TPRA1: variants seen among roughly 807,000 people sequenced by gnomAD.
TPRA1 encodes the protein transmembrane protein adipocyte-associated 1.
TPRA1 carries 28 observed loss-of-function variants against 40.1 expected under a neutral mutation model. That is an observed-to-expected ratio of 0.70 (90% CI 0.52 to 0.96). The LOEUF is 0.96. Ranked by LOEUF, TPRA1 falls within the 40% of genes least tolerant of loss-of-function variation. The probability of loss-of-function intolerance (pLI) is 0.00; values close to 1 mark genes in which losing one functional copy is unlikely to be tolerated. For missense variants in TPRA1, 441 were observed against 482.6 expected (o/e 0.91, Z 0.81); for synonymous variants, 219 against 209.7 (o/e 1.04, Z -0.38).
upstream of TPRA1, chr3:127,590,821 GA>G (rs34198260): frequency 0.12 from 17,831 of 145,620 alleles, 1,144 homozygotes; most frequent in Middle Eastern, 0.19. Context: ...ATCACTGGGG[GA>G]AAAAAAAAAA....
chr3:127,588,972 G>A (rs2074083754), intron 1 of TPRA1, among the ~76,000 whole-genome samples: 1 of 152,246 alleles, frequency 6.6e-6, no homozygotes, highest in South Asian at 2.1e-4. Context: ...CACGATAGGG[G>A]CCTAAGGGTG....
rs542073464 is a variant in TPRA1, at chr3:127,572,126, C to T, written c.*1395G>A. Among the ~76,000 whole-genome samples the T allele has an allele frequency of 2.0e-5, 3 of 152,344 alleles. No individual in the cohort carries two copies. Among genetic ancestry groups the T allele is most frequent in the East Asian group, 3.9e-4 (2 of 5,180 alleles). On this transcript the variant is annotated 3_prime_UTR_variant, in exon 11 of 11. Transcript: ENST00000355552. ...CCAGCTCACTGGCCGTACTGTTGGC[C>T]CTGTCCGCTATCAACCCTCCAGGCC...
upstream of TPRA1, among the ~76,000 whole-genome samples, chr3:127,593,711 T>C (rs1186167644): frequency 6.6e-6 from 1 of 152,126 alleles, no homozygotes; most frequent in Non-Finnish European, 1.5e-5. Flanking sequence ...TCTGACCTTA[T>C]AAAAATAAAC....
At chr3:127,592,477 C>T (rs961795881), upstream of TPRA1, among the ~76,000 whole-genome samples, 7 of 150,000 alleles carry the variant, frequency 4.7e-5, no homozygotes, top group African/African-American at 1.7e-4. Flanking sequence ...GCTCCGCTTC[C>T]CGGGTTCACG....
chr3:127,573,682 C>T lies in TPRA1; in HGVS notation c.961G>A (p.Glu321Lys). Residue 321 changes from glutamate to lysine, a missense_variant, in exon 11 of 11, where the codon GAG (glutamate) becomes AAG (lysine). Transcript: ENST00000355552. ...PYAVARREGLEAAGAAGASAA... is the reference protein window; with the variant it reads ...PYAVARREGLKAAGAAGASAA... ...GAGGCCCCAGCAGCCCCTGCAGCCT[C>T]CAGGCCCTCCCGCCGGGCCACAGCG... 6.2e-7 allele frequency: 1 copy of T among 1,613,564 alleles called. No homozygotes were observed. Among genetic ancestry groups the T allele is most frequent in the African/African-American group, 1.3e-5 (1 of 75,060 alleles).
rs761117855 is a variant in TPRA1 at position 127,573,801 on chromosome 3, A to C, written c.855-13T>G. The C allele has an allele frequency of 6.5e-7, 1 of 1,543,348 alleles. No individual in the cohort carries two copies. The highest frequency in any genetic ancestry group is 8.8e-7 in the Non-Finnish European group (1 of 1,140,712). ...CTTGGGCTCCGAGCTGATAAAAGGA[A>C]AAGAGGGGCATGGAAGCCTCACTGA... On this transcript the variant is annotated splice_polypyrimidine_tract_variant and intron_variant, in intron 10 of 10. Transcript: ENST00000355552.
In TPRA1 at chr3:127,572,925, C is replaced by G. The variant is rs2073419644; in HGVS notation, c.*596G>C. 6.6e-6 allele frequency: 1 copy of G among 152,286 alleles called. No individual in the cohort carries two copies. 9.4% of individuals were successfully genotyped at this position (152,286 alleles called of 1,614,324 possible). On this transcript the variant is annotated 3_prime_UTR_variant, in exon 11 of 11. Coordinates refer to ENST00000355552, the MANE Select transcript of TPRA1 (RefSeq NM_001136053.4). ...TGGGATCCTGTTTCTCTTCACCTCC[C>G]CAGCAGCCAGCCCAGGGCTTGGGCA...
chr3:127,583,772 G>A (rs981803326), intron 1 of TPRA1, among the ~76,000 whole-genome samples: 3 of 151,870 alleles, frequency 2.0e-5, no homozygotes, highest in Non-Finnish European at 4.4e-5. Flanking sequence ...CCAGGTTCAA[G>A]CGATTCCCCT....
Position 127,574,398 on chromosome 3 carries a change from C to T in TPRA1, c.855-610G>A, listed in dbSNP as rs146782551. Among the ~76,000 whole-genome samples the T allele has an allele frequency of 2.6e-5, 4 of 152,342 alleles. No homozygotes were observed. In the East Asian group the frequency reaches 5.8e-4, roughly 22 times the overall value. ...AAGGGGGGACAAAACACCCACATTC[C>T]GACCACATTAAGGTCTGGAGTGGGA... On this transcript the variant is annotated intron_variant, in intron 10 of 10. Coordinates refer to ENST00000355552, the MANE Select transcript of TPRA1 (RefSeq NM_001136053.4).
upstream of TPRA1, among the ~76,000 whole-genome samples, chr3:127,594,448 A>G: frequency 6.6e-6 from 1 of 152,186 alleles, no homozygotes; most frequent in East Asian, 1.9e-4. Flanking sequence ...AGGGTTCTGG[A>G]GCAAGACCAG....
In TPRA1 at chr3:127,580,168, G is replaced by A. The variant is rs112458291; in HGVS notation, c.-17-5C>T. 4.6e-3 allele frequency: 7,453 copies of A among 1,608,540 alleles called. 166 individuals carry two copies. In the African/African-American group the frequency reaches 0.057, roughly 12 times the overall value. On this transcript the variant is annotated splice_region_variant and splice_polypyrimidine_tract_variant and intron_variant, in intron 1 of 10. Coordinates refer to ENST00000355552, the MANE Select transcript of TPRA1 (RefSeq NM_001136053.4). ...CCATCCCGCCAGCAGCCAGCCCTGG[G>A]GGAGTGAGAGCCGCCCAGTGAGCTG...
intron 1 of TPRA1, among the ~76,000 whole-genome samples, chr3:127,583,489 C>A (rs911956388): frequency 6.6e-6 from 1 of 151,920 alleles, no homozygotes; most frequent in Non-Finnish European, 1.5e-5. Flanking sequence ...CAGAGTGGGA[C>A]CTTGCCTCAA....
upstream of TPRA1, among the ~76,000 whole-genome samples, chr3:127,592,372 T>TG (rs2074190262): frequency 7.8e-6 from 1 of 128,396 alleles, no homozygotes; most frequent in Non-Finnish European, 1.7e-5. Flanking sequence ...ATGCTGTTTT[T>TG]TTTTTTTTTT....
intron 1 of TPRA1, among the ~76,000 whole-genome samples, chr3:127,590,109 G>T (rs556311396): frequency 6.6e-6 from 1 of 152,246 alleles, no homozygotes; most frequent in South Asian, 2.1e-4. Context: ...CCGAGGTCCG[G>T]ATCTCCACCC....
intron 8 of TPRA1, 41 bp from the exon 9 acceptor site, chr3:127,575,546 A>T (rs2073580853): frequency 6.7e-7 from 1 of 1,502,596 alleles, no homozygotes; most frequent in Non-Finnish European, 8.9e-7. Context: ...CCCACCCTGG[A>T]CAGGCCAGGC....
In TPRA1 at chr3:127,577,025, C is replaced by A. The variant is rs147285727; in HGVS notation, c.310G>T (p.Val104Leu). 1 of 1,613,684 alleles carries A rather than the reference C, an allele frequency of 6.2e-7. No homozygotes were observed. The highest frequency in any genetic ancestry group is 8.5e-7 in the Non-Finnish European group (1 of 1,180,042). ...ACAGTTGCAGCGTTCGAGGTGCTCACCGTCATGGATACCACGGCCCGGGCA... is the reference window on the plus strand; with the variant it reads ...ACAGTTGCAGCGTTCGAGGTGCTCAACGTCATGGATACCACGGCCCGGGCA... ...GIARAVVSMTVSTSNAATVAD... is the reference protein window; with the variant it reads ...GIARAVVSMTLSTSNAATVAD... Residue 104 changes from valine (V) to leucine (L), a missense_variant, in exon 4 of 11, where the codon GTG becomes TTG. Transcript: ENST00000355552.
At chr3:127,574,066 A>G (rs1210728858) in intron 10 of TPRA1, among the ~76,000 whole-genome samples, 4 of 152,282 alleles carry the variant, frequency 2.6e-5, no homozygotes, top group African/African-American at 9.6e-5. Flanking sequence ...GGAAGAATGG[A>G]CATAAATCAT....
chr3:127,589,218 G>A (rs965059872), intron 1 of TPRA1, among the ~76,000 whole-genome samples: 24 of 142,934 alleles, frequency 1.7e-4, no homozygotes, highest in African/African-American at 5.2e-4. Flanking sequence ...TCATGGTCAC[G>A]CAATGCAGGA....
chr3:127,575,032 C>CTGTATGTGTGTGCCCAAGTGCA, intron 10 of TPRA1, 153 bp downstream of exon 10: 4 of 774,258 alleles, frequency 5.2e-6, no homozygotes, highest in Non-Finnish European at 8.4e-6. Context: ...GCATGTGTAT[C>CTGTATGTGTGTGCCCAAGTGCA]TGTATGTGTG....
Sources: gnomAD v4.1 joint callset for allele counts (sites outside exome capture counted in the v4.1 genomes callset) on GRCh38, gnomAD v4.1.1 for gene constraint, MANE v1.5 for transcripts, NCBI Gene and HGNC (gene_info 2026-07-23, HGNC 2026-07-21) for gene names.